PTPRM: variants seen among roughly 807,000 people sequenced by gnomAD.
PTPRM encodes protein tyrosine phosphatase receptor type M.
A neutral mutation model predicts 186.7 loss-of-function variants in PTPRM; 47 were observed. That is an observed-to-expected ratio of 0.25 (90% CI 0.20 to 0.32). PTPRM has a LOEUF of 0.32. Ranked by LOEUF, PTPRM falls within the 10% of genes least tolerant of loss-of-function variation. The pLI is 1.00. For synonymous variants in PTPRM, 668 were observed against 674.9 expected (o/e 0.99, Z 0.16); for missense variants, 1,494 against 1,865.0 (o/e 0.80, Z 3.66).
At chr18:7,701,527 G>T (rs919399030) in intron 1 of PTPRM, among the ~76,000 whole-genome samples, 3 of 151,790 alleles carry the variant, frequency 2.0e-5, no homozygotes, top group African/African-American at 7.3e-5. Flanking sequence ...TTGAACCTGG[G>T]AGGTGGAGGT....
chr18:7,614,645 A>G (rs977928997), intron 1 of PTPRM, among the ~76,000 whole-genome samples: 1 of 152,186 alleles, frequency 6.6e-6, no homozygotes, highest in African/African-American at 2.4e-5. Context: ...ATCCAGATGC[A>G]TTTTGTTGCC....
chr18:7,718,587 C>T (rs750987849), intron 1 of PTPRM, among the ~76,000 whole-genome samples: 33 of 152,140 alleles, frequency 2.2e-4, no homozygotes, highest in Middle Eastern at 3.2e-3. Context: ...TAAAAAGCTT[C>T]GGCACAGCAA....
intron 20 of PTPRM, among the ~76,000 whole-genome samples, chr18:8,312,509 T>C (rs1424262450): frequency 6.6e-6 from 1 of 152,108 alleles, no homozygotes; most frequent in East Asian, 1.9e-4. Flanking sequence ...ACATAGCCCA[T>C]GACAATAATA....
At chr18:7,587,134 A>C (rs1202323526) in intron 1 of PTPRM, among the ~76,000 whole-genome samples, 1 of 152,116 alleles carries the variant, frequency 6.6e-6, no homozygotes. Context: ...TAAGTGTTAG[A>C]TTTTTATGTA....
chr18:7,704,101 C>T (rs140280472), intron 1 of PTPRM, among the ~76,000 whole-genome samples: 3 of 152,088 alleles, frequency 2.0e-5, no homozygotes, highest in South Asian at 2.1e-4. Context: ...ATTTTCGCAT[C>T]GACGTTCATC....
Position 8,068,931 on chromosome 18 carries a change from C to T in PTPRM, c.1133-755C>T, listed in dbSNP as rs751564762. ...TGACTAACATGGTGAAACCCTGTCTCGACTAGAAATACACACACACACAAA... is the reference window on the plus strand; with the variant it reads ...TGACTAACATGGTGAAACCCTGTCTTGACTAGAAATACACACACACACAAA... On this transcript the variant is annotated intron_variant, in intron 7 of 32. Coordinates refer to ENST00000580170, the MANE Select transcript of PTPRM (RefSeq NM_001105244.2). 3.4e-4 allele frequency among the ~76,000 whole-genome samples: 51 copies of T among 151,780 alleles called. 1 individual carries two copies. The highest frequency in any genetic ancestry group is 6.6e-4 in the Admixed American group (10 of 15,236).
chr18:7,913,659 C>T (rs2050399177), intron 4 of PTPRM, among the ~76,000 whole-genome samples: 1 of 152,126 alleles, frequency 6.6e-6, no homozygotes, highest in Non-Finnish European at 1.5e-5. Context: ...TCCTGGAACA[C>T]ATCTCACTTA....
chr18:8,078,321 G>A (rs189698741), intron 9 of PTPRM, among the ~76,000 whole-genome samples: 1 of 152,298 alleles, frequency 6.6e-6, no homozygotes, highest in Admixed American at 6.5e-5. Flanking sequence ...GCTTCCTCCC[G>A]GAGCTGAAGA....
At position 7,598,643 on chromosome 18, in the gene PTPRM, C is replaced by T. The variant is rs181433562; in HGVS notation, c.73+30752C>T. Among the ~76,000 whole-genome samples the T allele has an allele frequency of 5.1e-4, 77 of 152,298 alleles. 3 individuals carry two copies. In the East Asian group the frequency reaches 6.4e-3, roughly 13 times the overall value. ...GTATTAATAGTATTGTTGATGTCAGCACTTTCTTGGAAGACATGTTTTTTG... is the reference window on the plus strand; with the variant it reads ...GTATTAATAGTATTGTTGATGTCAGTACTTTCTTGGAAGACATGTTTTTTG... On this transcript the variant is annotated intron_variant, in intron 1 of 32. Coordinates refer to ENST00000580170, the MANE Select transcript of PTPRM (RefSeq NM_001105244.2).
chr18:8,112,325 A>G (rs556006889), intron 11 of PTPRM, among the ~76,000 whole-genome samples: 27 of 152,366 alleles, frequency 1.8e-4, no homozygotes, highest in Non-Finnish European at 2.9e-4. Flanking sequence ...AGGTGGTTCT[A>G]TGAGTGCAGA....
Position 7,928,892 on chromosome 18 carries a change from C to T in PTPRM, c.663+2209C>T, listed in dbSNP as rs145752476. Among the ~76,000 whole-genome samples the T allele has an allele frequency of 2.8e-3, 422 of 152,216 alleles. 1 individual carries two copies. The highest frequency in any genetic ancestry group is 4.7e-3 in the Non-Finnish European group (320 of 68,012). On this transcript the variant is annotated intron_variant, in intron 5 of 32. Transcript: ENST00000580170. ...TCACTACTTCCTACACTTCCAGGAA[C>T]TTTGTTTTAGAGATAATTTGTCATG...
intron 1 of PTPRM, among the ~76,000 whole-genome samples, chr18:7,576,186 AG>A (rs1275494406): frequency 6.6e-6 from 1 of 152,230 alleles, no homozygotes; most frequent in Non-Finnish European, 1.5e-5. Context: ...GCAGAAGCAA[AG>A]CATTTACTTT....
At chr18:7,894,620 T>C (rs1254849782) in intron 3 of PTPRM, among the ~76,000 whole-genome samples, 3 of 151,250 alleles carry the variant, frequency 2.0e-5, no homozygotes, top group Admixed American at 2.0e-4. Flanking sequence ...TTTTTTAATA[T>C]TTTTTTTCCA....
intron 2 of PTPRM, among the ~76,000 whole-genome samples, chr18:7,867,635 A>C (rs778224036): frequency 6.6e-6 from 1 of 152,062 alleles, no homozygotes; most frequent in Non-Finnish European, 1.5e-5. Context: ...TTAATATTTT[A>C]TCCTTCATTT....
At chr18:8,403,661 G>A (rs1400170949) in intron 32 of PTPRM, 1 of 152,172 alleles carries the variant, frequency 6.6e-6, no homozygotes, top group African/African-American at 2.4e-5. Flanking sequence ...CAAACCAAAT[G>A]TTTAACATTT....
chr18:8,256,463 T>A (rs185918923), intron 19 of PTPRM, among the ~76,000 whole-genome samples: 28 of 152,238 alleles, frequency 1.8e-4, no homozygotes, highest in Admixed American at 1.7e-3. Flanking sequence ...ATATAGTAAG[T>A]GTTCATTTGA....
At chr18:8,268,647 C>T (rs1018877922) in intron 19 of PTPRM, among the ~76,000 whole-genome samples, 1 of 152,010 alleles carries the variant, frequency 6.6e-6, no homozygotes, top group African/African-American at 2.4e-5. Context: ...ACCAATATCC[C>T]CAGTGAATGT....
intron 13 of PTPRM, among the ~76,000 whole-genome samples, chr18:8,130,782 C>G (rs746007806): frequency 1.1e-4 from 17 of 152,192 alleles, no homozygotes; most frequent in Non-Finnish European, 2.5e-4. Context: ...CTCTGGAACC[C>G]AATGCACACA....
intron 24 of PTPRM, among the ~76,000 whole-genome samples, chr18:8,374,385 A>G (rs2095682645): frequency 6.6e-6 from 1 of 152,286 alleles, no homozygotes; most frequent in Non-Finnish European, 1.5e-5. Context: ...CCCCTTTGGA[A>G]TAAAGTATTT....
Sources: allele counts gnomAD v4.1 joint callset (sites outside exome capture counted in the v4.1 genomes callset), GRCh38; gene constraint gnomAD v4.1.1; transcripts MANE v1.5; gene names NCBI Gene and HGNC (gene_info 2026-07-23, HGNC 2026-07-21).